The following AGBL1 variants were observed in gnomAD, a reference collection of about 807,000 sequenced individuals.
AGBL1 encodes cytosolic carboxypeptidase 4.
In AGBL1, 130 loss-of-function variants were observed where a neutral mutation model predicts 118.9. That is an observed-to-expected ratio of 1.09 (90% CI 0.95 to 1.26). The LOEUF (loss-of-function observed/expected upper bound fraction) is 1.26. Ranked by LOEUF, AGBL1 falls within the 50% of genes most tolerant of loss-of-function variation. The pLI, the probability that AGBL1 is intolerant of heterozygous loss-of-function variation, is 0.00. For missense variants in AGBL1, 1,584 were observed against 1,298.1 expected (o/e 1.22, Z -3.38); for synonymous variants, 555 against 478.9 (o/e 1.16, Z -2.08).
At chr15:86,710,656 A>G (rs2086540511) in intron 22 of AGBL1, among the ~76,000 whole-genome samples, 1 of 152,188 alleles carries the variant, frequency 6.6e-6, no homozygotes, top group Admixed American at 6.5e-5. Flanking sequence ...TCGCCTGGCA[A>G]CATTCCTTAT....
chr15:86,082,007 C>T (rs1201758756), intron 1 of AGBL1, among the ~76,000 whole-genome samples: 2 of 152,136 alleles, frequency 1.3e-5, no homozygotes, highest in Non-Finnish European at 2.9e-5. Context: ...CCCAATTAAG[C>T]AGAACATTAT....
chr15:87,002,651 T>C (rs1011349820), intron 24 of AGBL1, among the ~76,000 whole-genome samples: 5 of 152,074 alleles, frequency 3.3e-5, no homozygotes, highest in East Asian at 1.9e-4. Context: ...TCCTTTATTT[T>C]GTTGAGCAGT....
Position 86,928,732 on chromosome 15 carries a change from A to G in AGBL1, c.3222-59255A>G, listed in dbSNP as rs114928497. ...TCTATCCCAATCTCTTCTAACTACA[A>G]TGTTTCTGGCAATAAAGCATTTCAT... On this transcript the variant is annotated intron_variant, in intron 23 of 24. Transcript: ENST00000441037. Among the ~76,000 whole-genome samples the G allele has an allele frequency of 7.7e-4, 117 of 152,254 alleles. 1 individual carries two copies. The highest frequency in any genetic ancestry group is 2.6e-3 in the African/African-American group (110 of 41,558).
intron 17 of AGBL1, among the ~76,000 whole-genome samples, chr15:86,352,484 T>G (rs548618341): frequency 2.6e-5 from 4 of 151,894 alleles, no homozygotes; most frequent in African/African-American, 9.6e-5. Context: ...TCCTTTACTT[T>G]TTTTTTTTTT....
chr15:86,403,187 A>T (rs900468656), intron 18 of AGBL1, among the ~76,000 whole-genome samples: 2 of 152,182 alleles, frequency 1.3e-5, no homozygotes, highest in Admixed American at 6.5e-5. Context: ...GTCAAGCATG[A>T]TTCCCAATCT....
chr15:86,854,169 T>C (rs2079446378), intron 22 of AGBL1, among the ~76,000 whole-genome samples: 1 of 152,178 alleles, frequency 6.6e-6, no homozygotes, highest in Non-Finnish European at 1.5e-5. Context: ...CTTACACTCC[T>C]TTGGGAGGTC....
chr15:86,408,012 A>G (rs1314056546), intron 18 of AGBL1, among the ~76,000 whole-genome samples: 1 of 152,142 alleles, frequency 6.6e-6, no homozygotes, highest in Non-Finnish European at 1.5e-5. Flanking sequence ...AGCAGCGCAG[A>G]CCAGCAAAGG....
intron 1 of AGBL1, among the ~76,000 whole-genome samples, chr15:86,108,919 T>A (rs904495141): frequency 1.3e-5 from 2 of 152,210 alleles, no homozygotes; most frequent in South Asian, 4.1e-4. Context: ...ATCGCGCCAC[T>A]GCTCTCCAAC....
At chr15:86,196,906 C>CACAT (rs1567119267) in intron 5 of AGBL1, among the ~76,000 whole-genome samples, 26 of 151,540 alleles carry the variant, frequency 1.7e-4, no homozygotes, top group African/African-American at 6.1e-4. Flanking sequence ...CACACACACA[C>CACAT]ACACACACAC....
chr15:86,979,875 C>T (rs1253916713), intron 23 of AGBL1, among the ~76,000 whole-genome samples: 1 of 152,132 alleles, frequency 6.6e-6, no homozygotes, highest in African/African-American at 2.4e-5. Flanking sequence ...TCATACACAT[C>T]TCACTGTTTC....
In AGBL1 at chr15:86,927,218, T is replaced by A. The variant is rs370921998; in HGVS notation, c.3222-60769T>A. On this transcript the variant is annotated intron_variant, in intron 23 of 24. Coordinates refer to the AGBL1 transcript ENST00000441037. ...CTCTAGGAATCCTGCTTAGTATAAT[T>A]GTAAAATGCTATTTAGGATAAACTG... Among the ~76,000 whole-genome samples the A allele has an allele frequency of 2.1e-4, 32 of 152,176 alleles. No individual in the cohort carries two copies. In the South Asian group the frequency reaches 5.6e-3, roughly 27 times the overall value.
chr15:86,629,565 A>C (rs1478058898), intron 21 of AGBL1, among the ~76,000 whole-genome samples: 1 of 152,220 alleles, frequency 6.6e-6, no homozygotes, highest in Non-Finnish European at 1.5e-5. Flanking sequence ...ATACATAGGT[A>C]TGTAATTTGC....
chr15:86,450,844 G>C (rs1031070201), intron 18 of AGBL1, among the ~76,000 whole-genome samples: 2 of 152,062 alleles, frequency 1.3e-5, no homozygotes, highest in East Asian at 3.8e-4. Flanking sequence ...TTTAAATAGA[G>C]CCATTATTAA....
At chr15:86,591,095 T>C (rs780171163) in intron 21 of AGBL1, among the ~76,000 whole-genome samples, 14 of 152,198 alleles carry the variant, frequency 9.2e-5, no homozygotes, top group Non-Finnish European at 1.8e-4. Context: ...ACTCATGATT[T>C]ATCTCTCTTA....
chr15:86,661,599 C>T (rs2142517206), intron 21 of AGBL1, among the ~76,000 whole-genome samples: 1 of 152,120 alleles, frequency 6.6e-6, no homozygotes, highest in Middle Eastern at 3.4e-3. Flanking sequence ...CTTAAAAAGA[C>T]ACCCACGCAC....
chr15:86,359,508 T>C (rs1012276473), intron 17 of AGBL1, among the ~76,000 whole-genome samples: 2 of 151,510 alleles, frequency 1.3e-5, no homozygotes, highest in Admixed American at 6.6e-5. Context: ...TTGTTTAAGA[T>C]TGATTTCTCT....
intron 20 of AGBL1, among the ~76,000 whole-genome samples, chr15:86,553,094 G>A (rs2083685668): frequency 6.6e-6 from 1 of 152,074 alleles, no homozygotes; most frequent in African/African-American, 2.4e-5. Flanking sequence ...TCATTAACTT[G>A]TTATGCTTCT....
At chr15:86,651,126 A>T (rs74027342) in intron 21 of AGBL1, among the ~76,000 whole-genome samples, 3 of 152,306 alleles carry the variant, frequency 2.0e-5, no homozygotes, top group African/African-American at 4.8e-5. Flanking sequence ...TTTAATCAGC[A>T]TAAAATCTTG....
chr15:87,020,122 A>G (rs1313229575), intron 24 of AGBL1, among the ~76,000 whole-genome samples: 1 of 152,112 alleles, frequency 6.6e-6, no homozygotes, highest in African/African-American at 2.4e-5. Flanking sequence ...AGTAATAGAT[A>G]GCCTACCAAT....
Sources: allele counts gnomAD v4.1 joint callset (sites outside exome capture counted in the v4.1 genomes callset), GRCh38; gene constraint gnomAD v4.1.1; transcripts MANE v1.5; gene names NCBI Gene and HGNC (gene_info 2026-07-23, HGNC 2026-07-21).